CAMTA1: variants seen among roughly 807,000 people sequenced by gnomAD.
The protein encoded by CAMTA1 is calmodulin binding transcription activator 1.
Under a neutral mutation model 170.9 loss-of-function variants are expected in CAMTA1, and 27 were observed. That is an observed-to-expected ratio of 0.16 (90% CI 0.12 to 0.22). The LOEUF is 0.22. CAMTA1 is among the 10% of genes least tolerant of loss of function. The probability of loss-of-function intolerance (pLI) is 1.00; values close to 1 mark genes in which losing one functional copy is unlikely to be tolerated. For missense variants in CAMTA1, 1,619 were observed against 2,217.2 expected (o/e 0.73, Z 5.42); for synonymous variants, 833 against 891.5 (o/e 0.93, Z 1.17).
At chr1:7,502,542 G>T (rs1387937211) in intron 6 of CAMTA1, among the ~76,000 whole-genome samples, 2 of 152,172 alleles carry the variant, frequency 1.3e-5, no homozygotes, top group African/African-American at 2.4e-5. Flanking sequence ...GCCCTTGGAG[G>T]AAGGACTCCC....
chr1:6,870,456 A>G (rs778587137), intron 3 of CAMTA1, among the ~76,000 whole-genome samples: 7 of 152,230 alleles, frequency 4.6e-5, no homozygotes, highest in Admixed American at 1.3e-4. Context: ...CACAGGAACA[A>G]ACATCTGGCA....
At chr1:6,867,372 G>C (rs928530511) in intron 3 of CAMTA1, among the ~76,000 whole-genome samples, 6 of 151,986 alleles carry the variant, frequency 3.9e-5, no homozygotes, top group African/African-American at 1.5e-4. Flanking sequence ...TATGATTGTA[G>C]GTATAGGTTG....
chr1:7,627,971 G>A (rs567542518), intron 6 of CAMTA1, among the ~76,000 whole-genome samples: 7 of 152,250 alleles, frequency 4.6e-5, no homozygotes, highest in African/African-American at 1.7e-4. Context: ...CGGCTTAGCC[G>A]AAAGAAGATG....
chr1:7,446,961 C>T (rs928254361), intron 5 of CAMTA1, among the ~76,000 whole-genome samples: 4 of 152,194 alleles, frequency 2.6e-5, no homozygotes, highest in African/African-American at 4.8e-5. Context: ...TTTCTTACCT[C>T]CCAGGTATGG....
chr1:6,840,685 G>C (rs1655312222), intron 3 of CAMTA1, among the ~76,000 whole-genome samples: 1 of 152,136 alleles, frequency 6.6e-6, no homozygotes, highest in African/African-American at 2.4e-5. Flanking sequence ...ATGCGCAGGT[G>C]ACATTTAAAG....
rs138157268 is a variant in CAMTA1, at chr1:7,060,854, C to T, written c.235-30450C>T. Among the ~76,000 whole-genome samples the T allele has an allele frequency of 2.0e-3, 305 of 152,292 alleles. 1 individual carries two copies. Among genetic ancestry groups the T allele is most frequent in the African/African-American group, 7.2e-3 (299 of 41,566 alleles). On this transcript the variant is annotated intron_variant, in intron 3 of 22. Coordinates refer to ENST00000303635, the MANE Select transcript of CAMTA1 (RefSeq NM_015215.4). ...AGCACGGAAAGCGTTGCCAGGAAAG[C>T]GGAGTTGCTGGCGATTTATGTCGGT...
At chr1:6,818,856 G>A (rs967532650) in intron 1 of CAMTA1, among the ~76,000 whole-genome samples, 27 of 151,342 alleles carry the variant, frequency 1.8e-4, no homozygotes, top group African/African-American at 6.3e-4. Flanking sequence ...ATCCAGGCTG[G>A]TCTTTAACTC....
At chr1:6,796,737 A>G (rs534388407) in intron 1 of CAMTA1, among the ~76,000 whole-genome samples, 130 of 152,226 alleles carry the variant, frequency 8.5e-4, no homozygotes, top group Admixed American at 2.3e-3. Context: ...TTTCTCCTCT[A>G]GGGAGGTCAC....
intron 5 of CAMTA1, among the ~76,000 whole-genome samples, chr1:7,407,648 C>T (rs767880568): frequency 2.0e-5 from 3 of 152,130 alleles, no homozygotes; most frequent in African/African-American, 7.2e-5. Context: ...AGAATGAAAG[C>T]CCTTTGATTT....
At position 7,642,333 on chromosome 1, in the gene CAMTA1, G is replaced by C. The variant is rs1197890278; in HGVS notation, c.664+1780G>C. Among the ~76,000 whole-genome samples, 3 of 151,724 alleles carry C rather than the reference G, an allele frequency of 2.0e-5. No homozygotes were observed. Among genetic ancestry groups the C allele is most frequent in the African/African-American group, 4.8e-5 (2 of 41,422 alleles). On this transcript the variant is annotated intron_variant, in intron 7 of 22. Coordinates refer to ENST00000303635, the MANE Select transcript of CAMTA1 (RefSeq NM_015215.4). The surrounding 1 kb of genome is among the most constrained non-coding windows in gnomAD (Gnocchi z 6.3). ...GCCCTGGAAATAGCCCTGGAATGGT[G>C]GGGGGGAAGGGACCTGCCCAGGGTC...
At chr1:7,136,858 C>T (rs910391982) in intron 4 of CAMTA1, among the ~76,000 whole-genome samples, 4 of 152,326 alleles carry the variant, frequency 2.6e-5, no homozygotes, top group East Asian at 3.9e-4. Context: ...AAGGCTGGAG[C>T]GCCCAGGGTT....
chr1:6,935,850 G>A (rs1031303843), intron 3 of CAMTA1, among the ~76,000 whole-genome samples: 1 of 152,178 alleles, frequency 6.6e-6, no homozygotes, highest in South Asian at 2.1e-4. Flanking sequence ...GTCCCTGGTG[G>A]ACCGTCTCCT....
Position 7,680,708 on chromosome 1 carries a change from T to C in CAMTA1, c.2914+2975T>C, listed in dbSNP as rs1383568242. Among the ~76,000 whole-genome samples the C allele has an allele frequency of 6.6e-6, 1 of 151,838 alleles. No homozygotes were observed. The highest frequency in any genetic ancestry group is 1.5e-5 in the Non-Finnish European group (1 of 67,910). On this transcript the variant is annotated intron_variant, in intron 11 of 22. Coordinates refer to ENST00000303635, the MANE Select transcript of CAMTA1 (RefSeq NM_015215.4). This position sits in a 1 kb window ranked among gnomAD's most constrained non-coding sequence, Gnocchi z 4.4. The stretch of plus-strand genomic sequence containing the variant: ...TCTGCTGCATGTGGGATGCGCCCTT[T>C]GTCCCCTCTGCCATGCGCGGGGGAA...
At chr1:6,964,937 C>G (rs942081873) in intron 3 of CAMTA1, among the ~76,000 whole-genome samples, 47 of 152,106 alleles carry the variant, frequency 3.1e-4, no homozygotes, top group Admixed American at 3.1e-3. Context: ...GAGGCCGGGT[C>G]GGCTGGGAAA....
At chr1:6,960,279 A>G (rs1690151116) in intron 3 of CAMTA1, among the ~76,000 whole-genome samples, 1 of 152,086 alleles carries the variant, frequency 6.6e-6, no homozygotes, top group African/African-American at 2.4e-5. Context: ...GTTAAACGAG[A>G]CGTGAGTGGA....
intron 3 of CAMTA1, among the ~76,000 whole-genome samples, chr1:7,021,391 C>T (rs1701321768): frequency 1.3e-5 from 2 of 151,894 alleles, no homozygotes; most frequent in African/African-American, 4.9e-5. Flanking sequence ...CCTCATCGCT[C>T]AGCTTCTCTC....
At chr1:7,104,371 C>T (rs202130038) in intron 4 of CAMTA1, among the ~76,000 whole-genome samples, 155 of 73,868 alleles carry the variant, frequency 2.1e-3, no homozygotes, top group African/African-American at 0.011. Context: ...AATACACATA[C>T]ACACACACAC....
At chr1:7,013,504 C>A (rs1012749007) in intron 3 of CAMTA1, among the ~76,000 whole-genome samples, 17 of 152,208 alleles carry the variant, frequency 1.1e-4, no homozygotes, top group Non-Finnish European at 1.0e-4. Flanking sequence ...TGAGCCACCA[C>A]ACCTGGCCCC....
At chr1:6,993,977 T>C (rs1042483785) in intron 3 of CAMTA1, among the ~76,000 whole-genome samples, 1 of 152,208 alleles carries the variant, frequency 6.6e-6, no homozygotes, top group Non-Finnish European at 1.5e-5. Flanking sequence ...CATGCCTCTT[T>C]GCATGTTTTG....
Sources: gnomAD v4.1 joint callset for allele counts (sites outside exome capture counted in the v4.1 genomes callset) on GRCh38, gnomAD v4.1.1 for gene constraint, Gnocchi (gnomAD v3.1) non-coding constraint, MANE v1.5 for transcripts, NCBI Gene and HGNC (gene_info 2026-07-23, HGNC 2026-07-21) for gene names.